EVC2: variants seen among roughly 807,000 people sequenced by gnomAD.
EVC2 encodes the protein EvC ciliary complex subunit 2.
In EVC2, 148 loss-of-function variants were observed where a neutral mutation model predicts 149.3. The ratio of observed to expected loss-of-function variants is 0.99; its 90% confidence interval spans 0.87 to 1.14. EVC2 has a LOEUF of 1.14. EVC2 is among the 50% of genes most tolerant of loss of function. The pLI is 0.00. For synonymous variants in EVC2, 776 were observed against 649.9 expected (o/e 1.19, Z -2.95); for missense variants, 1,854 against 1,627.3 (o/e 1.14, Z -2.40).
intron 16 of EVC2, among the ~76,000 whole-genome samples, chr4:5,594,552 C>G (rs890965614): frequency 3.9e-5 from 6 of 152,022 alleles, no homozygotes; most frequent in Non-Finnish European, 5.9e-5. Context: ...GAAAGGACAC[C>G]CACACCAAAA....
intron 7 of EVC2, among the ~76,000 whole-genome samples, chr4:5,680,740 G>A (rs565266338): frequency 6.6e-6 from 1 of 152,352 alleles, no homozygotes; most frequent in Non-Finnish European, 1.5e-5. Context: ...TGCTTAGAAT[G>A]CTTGGCACCC....
At chr4:5,651,243 G>A (rs1030983924) in intron 9 of EVC2, among the ~76,000 whole-genome samples, 1 of 92,590 alleles carries the variant, frequency 1.1e-5, no homozygotes, top group East Asian at 3.1e-4. Context: ...GATGAAGTAT[G>A]GATGATAGAT....
chr4:5,564,686 A>T (rs971805689), intron 21 of EVC2, among the ~76,000 whole-genome samples: 1 of 152,244 alleles, frequency 6.6e-6, no homozygotes, highest in Non-Finnish European at 1.5e-5. Flanking sequence ...ACATTGGACA[A>T]TGGTTTGCAG....
chr4:5,608,529 T>C (rs1714576654), intron 16 of EVC2, among the ~76,000 whole-genome samples: 1 of 152,098 alleles, frequency 6.6e-6, no homozygotes, highest in Non-Finnish European at 1.5e-5. Context: ...TAGCATCTTG[T>C]TATTTTATTA....
rs573448772 is a variant in EVC2, at chr4:5,584,624, C to A, written c.3056G>T (p.Arg1019Leu). 1.9e-6 allele frequency: 3 copies of A among 1,612,416 alleles called. No homozygotes were observed. In the Admixed American group the frequency reaches 5.0e-5, roughly 27 times the overall value. ...ACTQILESHS[R>L]ELQELERKLE... Reference sequence around the variant, plus strand: ...CTCCTTCCCAGCGCCTGCACTCACCCGGCTGTGCGACTCCAGGATCTGTGT... The same window carrying A: ...CTCCTTCCCAGCGCCTGCACTCACCAGGCTGTGCGACTCCAGGATCTGTGT... Residue 1019 changes from arginine (R) to leucine (L), a missense_variant and splice_region_variant, in exon 17 of 22, where the codon CGG becomes CTG. Arg to Leu is a moderately radical substitution (Grantham distance 102). Transcript: ENST00000344408.
chr4:5,547,950 G>A lies in EVC2; in HGVS notation c.3420-4738C>T, dbSNP rs116756217. On this transcript the variant is annotated intron_variant and NMD_transcript_variant, in intron 21 of 22. Coordinates refer to the EVC2 transcript ENST00000475313. ...ATTCTCCAAGCTTCCGTGTGCCACC[G>A]CATTCCCCAGTGGCAGCCATGGAAG... Among the ~76,000 whole-genome samples the A allele has an allele frequency of 6.2e-3, 937 of 152,222 alleles. 13 individuals carry two copies. Among genetic ancestry groups the A allele is most frequent in the African/African-American group, 0.021 (883 of 41,524 alleles).
Position 5,643,703 on chromosome 4 carries a change from T to G in EVC2, c.1146-2865A>C, listed in dbSNP as rs537702328. Among the ~76,000 whole-genome samples the G allele has an allele frequency of 1.7e-3, 262 of 152,226 alleles. No homozygotes were observed. The South Asian group carries it at 0.025, about 15-fold the overall frequency. On this transcript the variant is annotated intron_variant, in intron 9 of 21. Coordinates refer to ENST00000344408, the MANE Select transcript of EVC2 (RefSeq NM_147127.5). ...TGGGAGGCCAAGGTGGGTGGATCAC[T>G]TGAGGCCAGGAGTTCGAGACCAGCC...
chr4:5,659,389 T>C (rs1281369704), intron 9 of EVC2, among the ~76,000 whole-genome samples: 3 of 147,758 alleles, frequency 2.0e-5, no homozygotes, highest in Non-Finnish European at 4.5e-5. Context: ...TAAAAGTAAT[T>C]GGCAATGCTA....
intron 1 of EVC2, among the ~76,000 whole-genome samples, chr4:5,704,185 G>C (rs978996790): frequency 6.6e-6 from 1 of 152,210 alleles, no homozygotes; most frequent in Non-Finnish European, 1.5e-5. Context: ...AAGGAGGTCA[G>C]TCAGGCGGCT....
At position 5,686,916 on chromosome 4, in the gene EVC2, C is replaced by A. The variant is rs7684327; in HGVS notation, c.707-1437G>T. ...GGAATGTAGAGCCCAGTAGGTAGAG[C>A]TAAGCATGGGCATAAATAACAAGAA... is the stretch of plus-strand genomic sequence containing the variant. On this transcript the variant is annotated intron_variant, in intron 5 of 21. Transcript: ENST00000344408. This position sits in a 1 kb window ranked among gnomAD's most constrained non-coding sequence, Gnocchi z 5.4. Among the ~76,000 whole-genome samples the A allele has an allele frequency of 0.14, 21,855 of 152,054 alleles. 1,839 individuals carry two copies. The highest frequency in any genetic ancestry group is 0.23 in the African/African-American group (9,735 of 41,438).
intron 4 of EVC2, among the ~76,000 whole-genome samples, chr4:5,690,945 A>T (rs1321037707): frequency 6.6e-6 from 1 of 152,232 alleles, no homozygotes; most frequent in African/African-American, 2.4e-5. Flanking sequence ...AGACCTAAAA[A>T]ACATTAAACA....
Position 5,691,284 on chromosome 4 carries a change from A to G in EVC2, c.500T>C (p.Ile167Thr). 6.2e-7 allele frequency: 1 copy of G among 1,613,702 alleles called. No homozygotes were observed. The highest frequency in any genetic ancestry group is 8.5e-7 in the Non-Finnish European group (1 of 1,179,706). Reference sequence around the variant, plus strand: ...ACTTACCAGTGCACATTTCTGAAAAATTACTCCATTTTCAGAAGTCCCTTG... The same window carrying G: ...ACTTACCAGTGCACATTTCTGAAAAGTTACTCCATTTTCAGAAGTCCCTTG... Reference protein sequence around the residue: ...EVQGTSENGVIFQKCALVSGS... With the variant: ...EVQGTSENGVTFQKCALVSGS... The change falls in exon 4 of 22, where the codon ATT becomes ACT. Residue 167 changes from isoleucine (I) to threonine (T), a missense_variant. Coordinates refer to ENST00000344408, the MANE Select transcript of EVC2 (RefSeq NM_147127.5).
At chr4:5,681,373 A>G in intron 6 of EVC2, 60 bp from the exon 7 acceptor site, 1 of 1,569,706 alleles carries the variant, frequency 6.4e-7, no homozygotes, top group South Asian at 1.1e-5. Flanking sequence ...ACGTGGGATA[A>G]CATTTGGTGC....
At chr4:5,531,838 A>G in the EVC2 span, among the ~76,000 whole-genome samples, 4 of 152,162 alleles carry the variant, frequency 2.6e-5, no homozygotes, top group Admixed American at 2.6e-4. Flanking sequence ...AATGGTTTGA[A>G]TCATCCTGAA....
chr4:5,644,671 C>T (rs1025123902), intron 9 of EVC2, among the ~76,000 whole-genome samples: 2 of 152,158 alleles, frequency 1.3e-5, no homozygotes, highest in African/African-American at 4.8e-5. Flanking sequence ...TGTTTTCCTT[C>T]GTCTAAACCT....
chr4:5,662,981 A>G, intron 9 of EVC2, 126 bp downstream of exon 9: 3 of 1,312,914 alleles, frequency 2.3e-6, no homozygotes, highest in Non-Finnish European at 3.2e-6. Context: ...CAGTTGTTGA[A>G]TTATGACTAC....
intron 21 of EVC2, among the ~76,000 whole-genome samples, chr4:5,557,168 T>A (rs1432787025): frequency 1.3e-5 from 2 of 151,650 alleles, no homozygotes; most frequent in South Asian, 4.2e-4. Context: ...GATGAACAAA[T>A]CCTGAAAAAT....
At chr4:5,554,205 T>G (rs565697362) in intron 21 of EVC2, among the ~76,000 whole-genome samples, 1 of 151,860 alleles carries the variant, frequency 6.6e-6, no homozygotes, top group Non-Finnish European at 1.5e-5. Flanking sequence ...ATCCGAGAAC[T>G]GAGACCACAA....
At chr4:5,704,426 C>G (rs551973145) in intron 1 of EVC2, among the ~76,000 whole-genome samples, 5 of 152,060 alleles carry the variant, frequency 3.3e-5, no homozygotes, top group Non-Finnish European at 7.4e-5. Context: ...GGCAGGATTT[C>G]GGTTCTGCCT....
Sources: gnomAD v4.1 joint callset for allele counts (sites outside exome capture counted in the v4.1 genomes callset) on GRCh38, gnomAD v4.1.1 for gene constraint, Gnocchi (gnomAD v3.1) non-coding constraint, MANE v1.5 for transcripts, NCBI Gene and HGNC (gene_info 2026-07-23, HGNC 2026-07-21) for gene names.